The following CFAP47 variants were observed in gnomAD, a reference collection of about 807,000 sequenced individuals.
The protein encoded by CFAP47 is cilia- and flagella-associated protein 47.
Under a neutral mutation model 148.1 loss-of-function variants are expected in CFAP47, and 29 were observed. The ratio of observed to expected loss-of-function variants is 0.20; its 90% confidence interval spans 0.15 to 0.27. The LOEUF (loss-of-function observed/expected upper bound fraction) is 0.27, where lower values mean the gene tolerates loss of function less well. CFAP47 is among the 10% of genes least tolerant of loss of function. CFAP47 has a pLI of 1.00. For synonymous variants in CFAP47, 664 were observed against 577.3 expected, an observed-to-expected ratio of 1.15 and a Z score of -2.15; for missense variants, 1,872 against 1,697.5, an observed-to-expected ratio of 1.10 and a Z score of -1.81.
chrX:36,131,425 T>G (rs1255068686), intron 33 of CFAP47, among the ~76,000 whole-genome samples: 1 of 110,601 alleles, frequency 9.0e-6, no homozygotes, highest in African/African-American at 3.3e-5. Flanking sequence ...TCTCTGCACT[T>G]TTTGCACAAT....
chrX:35,987,845 C>T (rs1936738626), intron 15 of CFAP47, among the ~76,000 whole-genome samples: 1 of 111,550 alleles, frequency 9.0e-6, no homozygotes, highest in African/African-American at 3.3e-5. Context: ...ATCACGGCTT[C>T]CCTTGGCTAG....
chrX:36,178,415 T>C (rs1343419435), intron 39 of CFAP47, among the ~76,000 whole-genome samples: 3 of 110,975 alleles, frequency 2.7e-5, no homozygotes, highest in Non-Finnish European at 5.7e-5. Flanking sequence ...AAATAATAAA[T>C]TTTAGGATGT....
chrX:36,020,858 A>C (rs1396221787), intron 22 of CFAP47, among the ~76,000 whole-genome samples: 1 of 109,783 alleles, frequency 9.1e-6, no homozygotes, highest in African/African-American at 3.3e-5. Flanking sequence ...GAATTTTGTT[A>C]TTTCTTTTCT....
At chrX:35,941,441 T>A in intron 3 of CFAP47, 43 bp downstream of exon 3, 1 of 706,825 alleles carries the variant, frequency 1.4e-6, no homozygotes, top group Non-Finnish European at 2.0e-6. Flanking sequence ...TTAGAAGAGT[T>A]GGTATTATTT....
chrX:35,956,105 G>C lies in CFAP47; in HGVS notation c.1319G>C (p.Cys440Ser), dbSNP rs750570659. The C allele has an allele frequency of 1.7e-6, 2 of 1,211,229 alleles. No homozygotes were observed. The highest frequency in any genetic ancestry group is 3.5e-5 in the South Asian group (2 of 56,959). Residue 440 changes from cysteine to serine, a missense_variant, in exon 8 of 64, where the codon TGC becomes TCC. Cys to Ser is a moderately radical substitution (Grantham distance 112, BLOSUM62 -1). Coordinates refer to ENST00000378653, the MANE Select transcript of CFAP47 (RefSeq NM_001304548.2). ...SEIQCIIKNQ[C>S]ELLPVTYHFK... ...ATTCAGTGCATCATAAAAAATCAAT[G>C]CGAATTACTTCCTGTGACGTACCAC...
At chrX:36,215,351 C>T (rs1194170157) in intron 45 of CFAP47, among the ~76,000 whole-genome samples, 3 of 111,451 alleles carry the variant, frequency 2.7e-5, no homozygotes, top group Non-Finnish European at 3.8e-5. Flanking sequence ...ATGGCCCTAG[C>T]ATTTAAGGTG....
intron 48 of CFAP47, among the ~76,000 whole-genome samples, chrX:36,238,074 G>T (rs1347470071): frequency 2.7e-5 from 3 of 110,331 alleles, no homozygotes; most frequent in Non-Finnish European, 5.7e-5. Context: ...CTGTTGAGTT[G>T]TGTTTTCCTT....
chrX:36,075,550 A>G (rs1254945908), intron 29 of CFAP47, among the ~76,000 whole-genome samples: 8 of 111,860 alleles, frequency 7.2e-5, no homozygotes, highest in Non-Finnish European at 1.3e-4. Flanking sequence ...AATAATTTCA[A>G]CTTTTATTTT....
At chrX:35,954,328 G>A (rs1936212704) in intron 7 of CFAP47, among the ~76,000 whole-genome samples, 1 of 110,940 alleles carries the variant, frequency 9.0e-6, no homozygotes, top group South Asian at 3.8e-4. Context: ...TAGAGAATTA[G>A]GAAGGTTAGG....
intron 22 of CFAP47, among the ~76,000 whole-genome samples, chrX:36,015,920 T>C (rs1381818348): frequency 9.0e-6 from 1 of 111,704 alleles, no homozygotes; most frequent in Non-Finnish European, 1.9e-5. Context: ...ATACATCCCT[T>C]TTGTTAATGT....
At chrX:36,384,691 A>C in intron 63 of CFAP47, 106 bp from the exon 64 acceptor site, 2 of 538,696 alleles carry the variant, frequency 3.7e-6, no homozygotes, top group Non-Finnish European at 6.1e-6. Context: ...TACCTTTTCC[A>C]TACTCTACAT....
At chrX:36,182,025 C>G (rs772503207) in intron 40 of CFAP47, among the ~76,000 whole-genome samples, 2 of 112,467 alleles carry the variant, frequency 1.8e-5, no homozygotes, top group African/African-American at 6.4e-5. Flanking sequence ...GCTCCTTCAT[C>G]TGGAATTCTG....
intron 30 of CFAP47, among the ~76,000 whole-genome samples, chrX:36,088,641 A>G (rs1436955229): frequency 9.0e-6 from 1 of 111,056 alleles, no homozygotes; most frequent in African/African-American, 3.3e-5. Flanking sequence ...TTGATCTTGA[A>G]CTTACAGCAT....
chrX:36,253,005 T>G (rs1940710760), intron 49 of CFAP47, among the ~76,000 whole-genome samples: 1 of 112,284 alleles, frequency 8.9e-6, no homozygotes, highest in African/African-American at 3.2e-5. Flanking sequence ...TGACGAAAAA[T>G]TAAATAATTA....
Position 35,919,752 on chromosome X carries a change from T to G in CFAP47, c.-48T>G, listed in dbSNP as rs747431797. On this transcript the variant is annotated 5_prime_UTR_variant, in exon 1 of 64. Transcript: ENST00000378653. The stretch of plus-strand genomic sequence containing the variant: ...TAGCGACGGTCGTCGACGCTAATCC[T>G]TGGCCGGACGGATCCACATCTGTTT... The G allele has an allele frequency of 1.7e-6, 2 of 1,163,066 alleles. No homozygotes were observed. Among genetic ancestry groups the G allele is most frequent in the Non-Finnish European group, 2.3e-6 (2 of 868,046 alleles).
chrX:36,247,213 C>T (rs1363698023), intron 48 of CFAP47, among the ~76,000 whole-genome samples: 1 of 111,014 alleles, frequency 9.0e-6, no homozygotes, highest in Non-Finnish European at 1.9e-5. Flanking sequence ...TTACAGGTGG[C>T]AGCTAAACTT....
At chrX:36,368,982 C>T (rs1430831879) in intron 62 of CFAP47, among the ~76,000 whole-genome samples, 3 of 111,273 alleles carry the variant, frequency 2.7e-5, no homozygotes, top group Non-Finnish European at 5.7e-5. Context: ...AGTCAGCCAT[C>T]TTGCTGATGT....
Position 36,236,879 on chromosome X carries a change from G to T in CFAP47, c.7332+20G>T. On this transcript the variant is annotated intron_variant, in intron 48 of 63. Coordinates refer to ENST00000378653, the MANE Select transcript of CFAP47 (RefSeq NM_001304548.2). ...TTTAAGGTAAGAATTTATTTTTAGT[G>T]TGAAAGTGTTTTTTTCTGAATATAG... is the stretch of plus-strand genomic sequence containing the variant. 2.3e-6 allele frequency: 1 copy of T among 433,843 alleles called. No individual in the cohort carries two copies. Among genetic ancestry groups the T allele is most frequent in the Non-Finnish European group, 4.1e-6 (1 of 245,006 alleles). The allele number at this position is 433,843 out of a possible 1,213,427, so 35.8% of individuals were successfully genotyped here.
At chrX:36,151,079 A>G (rs1939301579) in intron 37 of CFAP47, among the ~76,000 whole-genome samples, 1 of 112,201 alleles carries the variant, frequency 8.9e-6, no homozygotes, top group Non-Finnish European at 1.9e-5. Flanking sequence ...TAAACCTGAT[A>G]GCCTATTCCA....
Sources: gnomAD v4.1 joint callset for allele counts (sites outside exome capture counted in the v4.1 genomes callset) on GRCh38, gnomAD v4.1.1 for gene constraint, MANE v1.5 for transcripts, NCBI Gene and HGNC (gene_info 2026-07-23, HGNC 2026-07-21) for gene names.